The following RUFY2 variants were observed in gnomAD, a reference collection of about 807,000 sequenced individuals.
RUFY2 encodes the protein RUN and FYVE domain containing 2.
RUFY2 carries 49 observed loss-of-function variants against 94.4 expected under a neutral mutation model. The ratio of observed to expected loss-of-function variants is 0.52; its 90% CI spans 0.41 to 0.66. The LOEUF is 0.66. Among genes scored for constraint, RUFY2 ranks in the 30% least tolerant of loss-of-function variants. The pLI is 0.00. For missense variants in RUFY2, 541 were observed against 692.8 expected (o/e 0.78, Z 2.46); for synonymous variants, 255 against 235.7 (o/e 1.08, Z -0.75).
At chr10:68,362,428 T>C (rs2047517443) in intron 15 of RUFY2, among the ~76,000 whole-genome samples, 1 of 152,324 alleles carries the variant, frequency 6.6e-6, no homozygotes, top group East Asian at 1.9e-4. Flanking sequence ...CTTGAGCTTA[T>C]TCCAAATATC....
chr10:68,407,221 GCT>G lies in RUFY2; in HGVS notation c.-34_-33del. 1 of 1,394,182 alleles carries G rather than the reference GCT, an allele frequency of 7.2e-7. No homozygotes were observed. Among genetic ancestry groups the G allele is most frequent in the Non-Finnish European group, 9.2e-7 (1 of 1,085,702 alleles). The allele number at this position is 1,394,182 out of a possible 1,614,324, so 86.4% of individuals were successfully genotyped here. The stretch of plus-strand genomic sequence containing the variant: ...GGCGGCTGCGCGGTCTCGGGCGGAG[GCT>G]CCCTCGGCCTGTCCAGCAGCTCCTT... On this transcript the variant is annotated 5_prime_UTR_variant, in exon 1 of 18. Transcript: ENST00000602465.
At chr10:68,357,386 A>G (rs942962229) in intron 15 of RUFY2, among the ~76,000 whole-genome samples, 2 of 151,408 alleles carry the variant, frequency 1.3e-5, no homozygotes, top group African/African-American at 4.8e-5. Context: ...TTGTCACCAC[A>G]CCCAGCTAAT....
intron 7 of RUFY2, 120 bp from the exon 8 acceptor site, chr10:68,386,248 T>C: frequency 1.6e-6 from 1 of 628,582 alleles, no homozygotes; most frequent in Non-Finnish European, 2.7e-6. Flanking sequence ...TGTCCAAATT[T>C]CTGAGTGTGG....
intron 3 of RUFY2, among the ~76,000 whole-genome samples, chr10:68,400,741 G>A (rs1403789788): frequency 4.6e-5 from 7 of 151,384 alleles, no homozygotes; most frequent in South Asian, 2.1e-4. Context: ...GGCTTGGCGC[G>A]GTGGCTCACG....
rs564918966 is a variant in RUFY2, at chr10:68,355,384, T to C, written c.1568A>G (p.Glu523Gly). 6.2e-7 allele frequency: 1 copy of C among 1,610,504 alleles called. No homozygotes were observed. Among genetic ancestry groups the C allele is most frequent in the East Asian group, 2.2e-5 (1 of 44,854 alleles). ...TGCTTTGTTGGCTTCTTTTATGTCT[T>C]CAATTTTAAGTTTTGATCTAAAAAG... ...NKLSESKLKI[E>G]DIKEANKALQ... The change falls in exon 16 of 18, where the codon GAA becomes GGA. Residue 523 changes from glutamate to glycine, a missense_variant. Physicochemically the swap from Glu to Gly is moderately conservative, Grantham distance 98 (BLOSUM62 -2). Transcript: ENST00000602465.
chr10:68,386,198 T>C (rs2049482966), intron 7 of RUFY2, 70 bp from the exon 8 acceptor site: 3 of 1,284,562 alleles, frequency 2.3e-6, no homozygotes, highest in African/African-American at 1.5e-5. Flanking sequence ...AAATATGTTA[T>C]CCTAGATTTA....
Position 68,379,441 on chromosome 10 carries a change from C to T in RUFY2, c.1188G>A (p.Met396Ile). The T allele has an allele frequency of 1.2e-6, 2 of 1,609,832 alleles. No homozygotes were observed. Among genetic ancestry groups the T allele is most frequent in the Non-Finnish European group, 1.7e-6 (2 of 1,178,602 alleles). The change falls in exon 12 of 18, where the codon ATG becomes ATA. Residue 396 changes from methionine to isoleucine, a missense_variant. Met to Ile is a conservative substitution (Grantham distance 10). This residue lies in a region of RUFY2 where 403 missense variants were observed against 480.7 expected (regional missense o/e 0.84). Transcript: ENST00000602465. ...EEKTNKITAA[M>I]RQLEQRLQQA... ...TGCTGTACCTTTGTTCCAGCTGCCT[C>T]ATGGCTGCAGTAATTTTATTGGTTT...
intron 15 of RUFY2, among the ~76,000 whole-genome samples, chr10:68,357,357 T>C (rs1302532434): frequency 6.6e-6 from 1 of 151,548 alleles, no homozygotes; most frequent in Admixed American, 6.6e-5. Context: ...GCCTCCCGAA[T>C]AGCTGGGATT....
Position 68,378,692 on chromosome 10 carries a change from A to G in RUFY2, c.1205+732T>C, listed in dbSNP as rs746815299. 2.5e-6 allele frequency: 4 copies of G among 1,580,748 alleles called. No individual in the cohort carries two copies. The South Asian group carries it at 3.5e-5, about 14-fold the overall frequency. On this transcript the variant is annotated intron_variant, in intron 12 of 17. Coordinates refer to ENST00000602465, the MANE Select transcript of RUFY2 (RefSeq NM_001330103.2). ...GTCACTTCATAATGGAATGGAAAGA[A>G]ATCAAAGACAGAAAAAGGTAATAAA...
intron 13 of RUFY2, 126 bp from the exon 14 acceptor site, chr10:68,364,239 T>G: frequency 1.1e-6 from 1 of 872,054 alleles, no homozygotes; most frequent in Non-Finnish European, 1.7e-6. Flanking sequence ...TTCAGACATT[T>G]TCTTTCACAA....
chr10:68,407,222 C>G lies in RUFY2; in HGVS notation c.-33G>C. ...GCGGCTGCGCGGTCTCGGGCGGAGG[C>G]TCCCTCGGCCTGTCCAGCAGCTCCT... On this transcript the variant is annotated 5_prime_UTR_variant, in exon 1 of 18. Coordinates refer to ENST00000602465, the MANE Select transcript of RUFY2 (RefSeq NM_001330103.2). 1 of 1,381,036 alleles carries G rather than the reference C, an allele frequency of 7.2e-7. No individual in the cohort carries two copies. Among genetic ancestry groups the G allele is most frequent in the South Asian group, 1.6e-5 (1 of 60,748 alleles). The allele number at this position is 1,381,036 out of a possible 1,614,324, so 85.5% of individuals were successfully genotyped here.
At chr10:68,382,278 G>A (rs923702037) in intron 10 of RUFY2, among the ~76,000 whole-genome samples, 3 of 150,262 alleles carry the variant, frequency 2.0e-5, no homozygotes, top group African/African-American at 4.9e-5. Flanking sequence ...GGATGGTCTC[G>A]ATCTCCTGAC....
intron 16 of RUFY2, 27 bp downstream of exon 16, chr10:68,355,326 C>T (rs1405637816): frequency 6.4e-7 from 1 of 1,565,996 alleles, no homozygotes; most frequent in Non-Finnish European, 8.8e-7. Context: ...CACATACCTT[C>T]CCACTTTAGG....
downstream of RUFY2, chr10:68,342,134 T>C: frequency 1.0e-6 from 1 of 968,040 alleles, no homozygotes; most frequent in South Asian, 1.9e-5. Flanking sequence ...TTCTTTTGTA[T>C]TTTAAGAACT....
intron 13 of RUFY2, among the ~76,000 whole-genome samples, chr10:68,371,791 G>A (rs948837849): frequency 6.6e-6 from 1 of 152,056 alleles, no homozygotes; most frequent in African/African-American, 2.4e-5. Context: ...AAAGCAGTAA[G>A]ACAGAAATGA....
chr10:68,393,071 G>A (rs2050126287), intron 7 of RUFY2, 67 bp downstream of exon 7: 1 of 788,836 alleles, frequency 1.3e-6, no homozygotes, highest in South Asian at 1.9e-5. Context: ...AATACGGTAA[G>A]CTGAAGGGAA....
rs1266705505 is a variant in RUFY2 at position 68,358,209 on chromosome 10, AAAC to A, written c.1551-2811_1551-2809del. Among the ~76,000 whole-genome samples the A allele has an allele frequency of 3.4e-3, 520 of 152,182 alleles. 7 individuals carry two copies. Among genetic ancestry groups the A allele is most frequent in the African/African-American group, 0.012 (486 of 41,540 alleles). On this transcript the variant is annotated intron_variant, in intron 15 of 17. Transcript: ENST00000602465. ...ATCTCCAAAAAACAAACAAACAAAC[AAAC>A]AACAACAAAAAAATTGGAATGACTA...
chr10:68,387,290 G>A (rs1270586147), intron 7 of RUFY2, among the ~76,000 whole-genome samples: 3 of 152,124 alleles, frequency 2.0e-5, no homozygotes, highest in Non-Finnish European at 2.9e-5. Context: ...CTGGGAGGCA[G>A]AGGTTGCAGT....
chr10:68,367,337 GCA>G (rs1216412347), intron 13 of RUFY2, among the ~76,000 whole-genome samples: 1 of 152,120 alleles, frequency 6.6e-6, no homozygotes, highest in Admixed American at 6.6e-5. Flanking sequence ...ATTTGGCAAG[GCA>G]CAGAGTCTTA....
Sources: gnomAD v4.1 joint callset for allele counts (sites outside exome capture counted in the v4.1 genomes callset) on GRCh38, gnomAD v4.1.1 for gene constraint, gnomAD v4.1.1 regional missense constraint, MANE v1.5 for transcripts, NCBI Gene and HGNC (gene_info 2026-07-23, HGNC 2026-07-21) for gene names.